SCN9A: variants seen among roughly 807,000 people sequenced by gnomAD.
SCN9A encodes the protein sodium voltage-gated channel alpha subunit 9.
In SCN9A, 131 loss-of-function variants were observed where a neutral mutation model predicts 187.0. The observed-to-expected ratio is 0.70, with a 90% CI of 0.61 to 0.81. SCN9A has a LOEUF of 0.81. Among genes scored for constraint, SCN9A ranks in the 30% least tolerant of loss-of-function variants. The pLI is 0.00. For missense variants in SCN9A, 2,252 were observed against 2,396.6 expected (o/e 0.94, Z 1.26); for synonymous variants, 809 against 808.6 (o/e 1.00, Z -0.01).
chr2:166,204,964 G>A (rs571435028), intron 24 of SCN9A: 1 of 152,260 alleles, frequency 6.6e-6, no homozygotes, highest in African/African-American at 2.4e-5. Context: ...GGATGTGAAG[G>A]ACCTCTTCAA....
chr2:166,320,409 C>T (rs1236155899), intron 1 of SCN9A, among the ~76,000 whole-genome samples: 1 of 152,074 alleles, frequency 6.6e-6, no homozygotes, highest in Non-Finnish European at 1.5e-5. Flanking sequence ...CTTTCAAACA[C>T]CATATATTTA....
intron 20 of SCN9A, among the ~76,000 whole-genome samples, chr2:166,237,481 G>T (rs1329895898): frequency 1.3e-5 from 2 of 152,070 alleles, no homozygotes; most frequent in African/African-American, 2.4e-5. Flanking sequence ...CCATTCTGGA[G>T]ATGAAGGGCA....
intron 1 of SCN9A, among the ~76,000 whole-genome samples, chr2:166,330,186 AC>A (rs1452375888): frequency 6.6e-6 from 1 of 152,132 alleles, no homozygotes; most frequent in East Asian, 1.9e-4. Context: ...GATTTTTTTA[AC>A]CTCAAGTTCC....
chr2:166,363,103 C>T (rs948465201), intron 1 of SCN9A, among the ~76,000 whole-genome samples: 30 of 152,052 alleles, frequency 2.0e-4, no homozygotes, highest in East Asian at 1.7e-3. Flanking sequence ...CTTCAGTTTT[C>T]GGTAACAAAC....
rs76550960 is a variant in SCN9A at position 166,233,470 on chromosome 2, A to G, written c.3802-8T>C. 3.6e-3 allele frequency: 5,614 copies of G among 1,557,906 alleles called. 224 individuals are homozygous for G. The African/African-American group carries it at 0.071, about 20-fold the overall frequency. On this transcript the variant is annotated splice_region_variant and splice_polypyrimidine_tract_variant and intron_variant, in intron 20 of 26. Coordinates refer to ENST00000642356, the MANE Select transcript of SCN9A (RefSeq NM_001365536.1). The stretch of plus-strand genomic sequence containing the variant: ...TAAAGTAACCAAAGAAACCTATAAA[A>G]ATAACATTTTCATTAATTGTGTCAA...
intron 1 of SCN9A, among the ~76,000 whole-genome samples, chr2:166,346,634 G>T (rs776981873): frequency 6.6e-6 from 1 of 152,068 alleles, no homozygotes; most frequent in Non-Finnish European, 1.5e-5. Context: ...ACAAAACCAA[G>T]CACATTAGTG....
At chr2:166,364,833 T>C (rs933235052) in intron 1 of SCN9A, among the ~76,000 whole-genome samples, 1 of 152,200 alleles carries the variant, frequency 6.6e-6, no homozygotes, top group Admixed American at 6.5e-5. Flanking sequence ...AATTTTGTTA[T>C]ATATATTTTA....
At chr2:166,320,122 G>A (rs1300421004) in intron 1 of SCN9A, among the ~76,000 whole-genome samples, 1 of 151,994 alleles carries the variant, frequency 6.6e-6, no homozygotes, top group Non-Finnish European at 1.5e-5. Flanking sequence ...ATTATTTAGA[G>A]ATAAAAAGGA....
chr2:166,352,427 A>G (rs1339082159), intron 1 of SCN9A, among the ~76,000 whole-genome samples: 1 of 152,232 alleles, frequency 6.6e-6, no homozygotes, highest in Non-Finnish European at 1.5e-5. Context: ...TAATAAGCCT[A>G]CAATAAAAGC....
intron 17 of SCN9A, among the ~76,000 whole-genome samples, chr2:166,257,047 AAAG>A (rs1409065396): frequency 1.3e-5 from 2 of 151,662 alleles, no homozygotes; most frequent in East Asian, 3.9e-4. Flanking sequence ...TTTCTAATGA[AAAG>A]AAGAGAAGCA....
In SCN9A at chr2:166,280,487, T is replaced by C; in HGVS notation, c.2213A>G (p.Tyr738Cys). Residue 738 changes from tyrosine (Y) to cysteine (C), a missense_variant, in exon 14 of 27, where the codon TAT becomes TGT. Physicochemically the swap from Tyr to Cys is radical, Grantham distance 194. Transcript: ENST00000642356. ...TACAAAAGGATCCATTACAATAAAA[T>C]AGATACACTTTTTGAATTTTATCCA... ...PYWIKFKKCI[Y>C]FIVMDPFVDL... is the part of the protein sequence containing the mutation. 4.4e-6 allele frequency: 7 copies of C among 1,586,360 alleles called. No homozygotes were observed. The highest frequency in any genetic ancestry group is 5.2e-6 in the Non-Finnish European group (6 of 1,163,810).
intron 24 of SCN9A, among the ~76,000 whole-genome samples, chr2:166,218,409 TAAAAA>T (rs1328904435): frequency 6.7e-6 from 1 of 149,140 alleles, no homozygotes; most frequent in African/African-American, 2.5e-5. Flanking sequence ...TAAAGTAAAA[TAAAAA>T]AATAAATAAA....
intron 1 of SCN9A, among the ~76,000 whole-genome samples, chr2:166,355,727 C>T (rs940144718): frequency 6.6e-6 from 1 of 151,666 alleles, no homozygotes; most frequent in Non-Finnish European, 1.5e-5. Context: ...ATATGTTTTC[C>T]CATTGGGAGG....
intron 24 of SCN9A, among the ~76,000 whole-genome samples, chr2:166,212,201 C>A (rs762308424): frequency 8.5e-5 from 13 of 152,192 alleles, no homozygotes; most frequent in African/African-American, 2.9e-4. Context: ...TTAAGTCCCA[C>A]AGTCAGTCTT....
chr2:166,288,909 C>T (rs534274140), intron 9 of SCN9A, among the ~76,000 whole-genome samples: 1 of 152,202 alleles, frequency 6.6e-6, no homozygotes, highest in Non-Finnish European at 1.5e-5. Context: ...TTTTTTCCTA[C>T]AGTCTGAAAA....
intron 24 of SCN9A, among the ~76,000 whole-genome samples, chr2:166,223,392 A>T (rs1399123706): frequency 6.6e-6 from 1 of 152,246 alleles, no homozygotes; most frequent in African/African-American, 2.4e-5. Flanking sequence ...ACACAAACAC[A>T]CACTATTCAG....
rs1574868187 is a variant in SCN9A at position 166,286,533 on chromosome 2, T to A, written c.1405A>T (p.Ser469Cys). 2.5e-6 allele frequency: 4 copies of A among 1,611,984 alleles called. No homozygotes were observed. Among genetic ancestry groups the A allele is most frequent in the Non-Finnish European group, 3.4e-6 (4 of 1,179,308 alleles). The stretch of plus-strand genomic sequence containing the variant: ...CTTCTTTCTTTAGCACTTTTAGAGC[T>A]CAGTTTGGATGTTTCAGAAGAACTC... ...SESSSETSKL[S>C]SKSAKERRNR... The change falls in exon 11 of 27, where the codon AGC (serine) becomes TGC (cysteine). Residue 469 changes from serine (S) to cysteine (C), a missense_variant. Around this residue, in one of 7 missense-constraint regions of SCN9A, gnomAD observed 1,013 missense variants for 997.4 expected, o/e 1.02. Coordinates refer to ENST00000642356, the MANE Select transcript of SCN9A (RefSeq NM_001365536.1).
chr2:166,373,057 A>G (rs1410621577), intron 1 of SCN9A, among the ~76,000 whole-genome samples: 1 of 152,210 alleles, frequency 6.6e-6, no homozygotes, highest in Non-Finnish European at 1.5e-5. Context: ...TTAAAGTTTA[A>G]GAAGGAGTAA....
chr2:166,280,196 A>G (rs1182346524), intron 14 of SCN9A, among the ~76,000 whole-genome samples, 161 bp downstream of exon 14: 1 of 152,178 alleles, frequency 6.6e-6, no homozygotes. Flanking sequence ...ATTTTAAAAG[A>G]CATAACCAGA....
Sources: gnomAD v4.1 joint callset for allele counts (sites outside exome capture counted in the v4.1 genomes callset) on GRCh38, gnomAD v4.1.1 for gene constraint, gnomAD v4.1.1 regional missense constraint, MANE v1.5 for transcripts, NCBI Gene and HGNC (gene_info 2026-07-23, HGNC 2026-07-21) for gene names.